NEBL: variants seen among roughly 807,000 people sequenced by gnomAD.
NEBL encodes the protein nebulette.
In NEBL, 122 loss-of-function variants were observed where a neutral mutation model predicts 140.2. That is an observed-to-expected ratio of 0.87 (90% CI 0.75 to 1.01). NEBL has a LOEUF of 1.01. NEBL is among the 50% of genes least tolerant of loss of function. The pLI is 0.00. For missense variants in NEBL, 1,365 were observed against 1,231.3 expected, an observed-to-expected ratio of 1.11 and a Z score of -1.62; for synonymous variants, 436 against 398.9, an observed-to-expected ratio of 1.09 and a Z score of -1.11.
chr10:21,202,735 A>G (rs1841761530), intron 3 of NEBL, among the ~76,000 whole-genome samples: 1 of 152,032 alleles, frequency 6.6e-6, no homozygotes. Flanking sequence ...TGCTGGGATT[A>G]CAGGCGTGAG....
At chr10:21,080,301 G>A (rs1836305494) in intron 2 of NEBL, among the ~76,000 whole-genome samples, 1 of 152,208 alleles carries the variant, frequency 6.6e-6, no homozygotes, top group Non-Finnish European at 1.5e-5. Flanking sequence ...AAAACTCTGT[G>A]AAAATTCCTC....
intron 2 of NEBL, among the ~76,000 whole-genome samples, chr10:21,105,778 G>A (rs1837688940): frequency 1.3e-5 from 2 of 152,122 alleles, no homozygotes; most frequent in South Asian, 4.1e-4. Flanking sequence ...TTCCACAATG[G>A]TTGAACTAAT....
At chr10:21,102,375 C>G (rs1392332232) in intron 2 of NEBL, among the ~76,000 whole-genome samples, 1 of 152,154 alleles carries the variant, frequency 6.6e-6, no homozygotes, top group African/African-American at 2.4e-5. Flanking sequence ...AGATAATGGA[C>G]GTTTTCATCA....
chr10:21,066,451 G>A (rs1223354726), intron 2 of NEBL, among the ~76,000 whole-genome samples: 3 of 152,122 alleles, frequency 2.0e-5, no homozygotes, highest in African/African-American at 7.2e-5. Flanking sequence ...TAAACAAAAT[G>A]TAGTGAGTAC....
chr10:20,950,594 G>C (rs775054480), intron 4 of NEBL, among the ~76,000 whole-genome samples: 1 of 152,146 alleles, frequency 6.6e-6, no homozygotes, highest in Non-Finnish European at 1.5e-5. Context: ...CTGATGCAAT[G>C]TCATGTCCAG....
intron 2 of NEBL, among the ~76,000 whole-genome samples, chr10:21,027,104 A>C (rs1002328490): frequency 3.3e-5 from 5 of 151,928 alleles, no homozygotes; most frequent in African/African-American, 1.2e-4. Context: ...ACCTTTGCTG[A>C]TTTTGCTCTG....
At chr10:21,223,119 T>C (rs1288109518) in intron 3 of NEBL, among the ~76,000 whole-genome samples, 1 of 152,222 alleles carries the variant, frequency 6.6e-6, no homozygotes, top group Non-Finnish European at 1.5e-5. Flanking sequence ...CACTCTGTTG[T>C]GCCATCAAAT....
At chr10:20,956,182 C>A (rs1409742162) in intron 4 of NEBL, among the ~76,000 whole-genome samples, 3 of 152,108 alleles carry the variant, frequency 2.0e-5, no homozygotes, top group African/African-American at 7.2e-5. Flanking sequence ...CAAGAAAGGA[C>A]CAAGAGGTAA....
chr10:21,127,548 C>G (rs1838897562), intron 2 of NEBL, among the ~76,000 whole-genome samples: 1 of 150,316 alleles, frequency 6.7e-6, no homozygotes, highest in Non-Finnish European at 1.5e-5. Context: ...ACCAACTATA[C>G]AGCAATCTTG....
intron 4 of NEBL, among the ~76,000 whole-genome samples, chr10:20,950,509 C>A (rs1185721533): frequency 3.9e-5 from 6 of 152,134 alleles, no homozygotes; most frequent in Non-Finnish European, 7.4e-5. Context: ...CCAACCGAGG[C>A]CCTCATGCAT....
At chr10:20,893,105 C>T (rs113599360) in intron 2 of NEBL, among the ~76,000 whole-genome samples, 1 of 152,188 alleles carries the variant, frequency 6.6e-6, no homozygotes, top group Non-Finnish European at 1.5e-5. Context: ...CAGCCTTGAA[C>T]TAAACACTGA....
chr10:20,854,895 G>A (rs1842901121), intron 9 of NEBL, among the ~76,000 whole-genome samples: 1 of 152,016 alleles, frequency 6.6e-6, no homozygotes, highest in Non-Finnish European at 1.5e-5. Flanking sequence ...AAGGAAACAA[G>A]TTATAAATTT....
chr10:20,977,921 G>T (rs1836870048), intron 3 of NEBL, among the ~76,000 whole-genome samples: 1 of 152,154 alleles, frequency 6.6e-6, no homozygotes, highest in African/African-American at 2.4e-5. Flanking sequence ...TCTAGGATTT[G>T]CTCGGAAACA....
intron 2 of NEBL, chr10:21,170,578 A>G (rs1841028354): frequency 6.6e-6 from 1 of 152,560 alleles, no homozygotes; most frequent in African/African-American, 2.4e-5. Context: ...GCTTCACGCT[A>G]TTCCAATAGG....
intron 3 of NEBL, among the ~76,000 whole-genome samples, chr10:20,888,565 A>G (rs1846739881): frequency 6.6e-6 from 1 of 152,224 alleles, no homozygotes; most frequent in South Asian, 2.1e-4. Context: ...AGAATCTACT[A>G]TCTAGAACTT....
intron 3 of NEBL, among the ~76,000 whole-genome samples, chr10:21,225,007 C>A (rs183736221): frequency 6.6e-6 from 1 of 151,662 alleles, no homozygotes; most frequent in Non-Finnish European, 1.5e-5. Context: ...TCTCTCTTGT[C>A]TGGTTGCTCT....
chr10:21,101,502 GCAAGA>G (rs1251529734), intron 2 of NEBL, among the ~76,000 whole-genome samples: 5 of 152,192 alleles, frequency 3.3e-5, no homozygotes, highest in African/African-American at 9.7e-5. Flanking sequence ...CTGGACAAAG[GCAAGA>G]CCTAGAGACG....
chr10:21,178,538 T>C (rs369374619), upstream of NEBL, among the ~76,000 whole-genome samples: 2 of 152,220 alleles, frequency 1.3e-5, no homozygotes, highest in Non-Finnish European at 2.9e-5. Flanking sequence ...AGCTACCATA[T>C]TTCCTCTCCC....
At chr10:21,278,795 A>C (rs3895938) in intron 1 of NEBL, among the ~76,000 whole-genome samples, 101,239 of 151,964 alleles carry the variant, frequency 0.67, 34,509 homozygotes, top group African/African-American at 0.83. Flanking sequence ...CCCCTGAGTT[A>C]CATAGCCAGG....
Sources: gnomAD v4.1 joint callset for allele counts (sites outside exome capture counted in the v4.1 genomes callset) on GRCh38, gnomAD v4.1.1 for gene constraint, MANE v1.5 for transcripts, NCBI Gene and HGNC (gene_info 2026-07-23, HGNC 2026-07-21) for gene names.